The following HDGFL2 variants were observed in gnomAD, a reference collection of about 807,000 sequenced individuals.
HDGFL2 encodes the protein hepatoma-derived growth factor-related protein 2.
A neutral mutation model predicts 77.1 loss-of-function variants in HDGFL2; 36 were observed. The ratio of observed to expected loss-of-function variants is 0.47; its 90% CI spans 0.36 to 0.62. The LOEUF (loss-of-function observed/expected upper bound fraction) is 0.62. Ranked by LOEUF, HDGFL2 falls within the 20% of genes least tolerant of loss-of-function variation. The pLI is 0.00. For synonymous variants in HDGFL2, 463 were observed against 413.1 expected (o/e 1.12, Z -1.46); for missense variants, 976 against 973.4 (o/e 1.00, Z -0.04).
intron 3 of HDGFL2, among the ~76,000 whole-genome samples, chr19:4,480,076 A>G (rs1975175888): frequency 6.6e-6 from 1 of 152,072 alleles, no homozygotes; most frequent in Non-Finnish European, 1.5e-5. Context: ...TGGGCATTGC[A>G]GGGTGTTGAG....
intron 10 of HDGFL2, chr19:4,497,106 C>G (rs1470932810): frequency 4.6e-6 from 2 of 436,780 alleles, no homozygotes; most frequent in African/African-American, 2.0e-5. Flanking sequence ...ATCTCCTGAC[C>G]CCGTGATCTG....
In HDGFL2 at chr19:4,475,438, T is replaced by G. The variant is rs765159448; in HGVS notation, c.150-7T>G. The G allele has an allele frequency of 1.2e-6, 2 of 1,613,406 alleles. No individual in the cohort carries two copies. The highest frequency in any genetic ancestry group is 2.2e-5 in the East Asian group (1 of 44,858). ...ACCTGGGACTGGCCCCCGTTTCCCT[T>G]CTCCAGAGCCTTCCTGGGACCCAAG... On this transcript the variant is annotated splice_region_variant and splice_polypyrimidine_tract_variant and intron_variant, in intron 2 of 15. Coordinates refer to ENST00000616600, the MANE Select transcript of HDGFL2 (RefSeq NM_001001520.3).
intron 3 of HDGFL2, among the ~76,000 whole-genome samples, chr19:4,479,821 T>C (rs1470162298): frequency 7.6e-6 from 1 of 131,770 alleles, no homozygotes. Context: ...CCGGGGAATC[T>C]CTTGAACCCG....
At chr19:4,483,521 C>T (rs1975276941) in intron 3 of HDGFL2, among the ~76,000 whole-genome samples, 1 of 152,198 alleles carries the variant, frequency 6.6e-6, no homozygotes, top group Non-Finnish European at 1.5e-5. Flanking sequence ...AGACGCTGGC[C>T]TCGCCTGCAG....
At position 4,502,057 on chromosome 19, in the gene HDGFL2, T is replaced by G. The variant is rs779006903; in HGVS notation, c.*47T>G. 1.5e-6 allele frequency: 2 copies of G among 1,336,292 alleles called. No homozygotes were observed. The highest frequency in any genetic ancestry group is 2.5e-5 in the South Asian group (2 of 79,924). 82.8% of individuals were successfully genotyped at this position (1,336,292 alleles called of 1,614,324 possible). A position where few individuals can be genotyped will look rare whatever the true frequency, so the allele number is the denominator to read the frequency against. ...CCCCCGCCCGAGCTCAGGCTGCCCC[T>G]CTCCTTCCCCGGCTCGCAGGAGAGC... is the stretch of plus-strand genomic sequence containing the variant. On this transcript the variant is annotated 3_prime_UTR_variant, in exon 16 of 16. Transcript: ENST00000616600.
At chr19:4,499,401 G>A (rs1385094945) in intron 13 of HDGFL2, 90 bp from the exon 14 acceptor site, 9 of 1,165,972 alleles carry the variant, frequency 7.7e-6, no homozygotes, top group East Asian at 4.9e-5. Context: ...GAGGGGCTGC[G>A]GGAGGGGCGC....
At chr19:4,501,108 C>A in intron 14 of HDGFL2, 83 bp from the exon 15 acceptor site, 2 of 1,573,348 alleles carry the variant, frequency 1.3e-6, no homozygotes, top group Non-Finnish European at 1.7e-6. Flanking sequence ...AGCTTGGCCC[C>A]TGGTCCAGTC....
rs772518364 is a variant in HDGFL2 at position 4,496,352 on chromosome 19, G to A, written c.1275G>A (p.Arg425=). 1 of 1,614,108 alleles carries A rather than the reference G, an allele frequency of 6.2e-7. No individual in the cohort carries two copies. Among genetic ancestry groups the A allele is most frequent in the Non-Finnish European group, 8.5e-7 (1 of 1,179,984 alleles). The change falls in exon 10 of 16, where the codon AGG becomes AGA. Residue 425 remains arginine, a synonymous_variant. Transcript: ENST00000616600. ...AGTCCTCAAGCACAGAGCCCGCCAGGAAACCTGGCCAGAAGGAGAAGAGAG... is the reference window on the plus strand; with the variant it reads ...AGTCCTCAAGCACAGAGCCCGCCAGAAAACCTGGCCAGAAGGAGAAGAGAG... The part of the protein sequence containing the change: ...KPQSSSTEPA[R]KPGQKEKRVR...
chr19:4,499,838 G>A (rs35632432), intron 14 of HDGFL2, 134 bp downstream of exon 14: 239,320 of 749,650 alleles, frequency 0.32, 40,663 homozygotes, highest in East Asian at 0.58. Flanking sequence ...TGTCCTGTTG[G>A]GGTCTCCGTG....
chr19:4,474,273 T>A (rs1257494247), intron 1 of HDGFL2, among the ~76,000 whole-genome samples: 1 of 152,042 alleles, frequency 6.6e-6, no homozygotes, highest in Non-Finnish European at 1.5e-5. Flanking sequence ...GGTCCGAAGC[T>A]GGCAATGCCG....
chr19:4,491,099 C>T (rs900483358), intron 4 of HDGFL2, among the ~76,000 whole-genome samples: 5 of 152,044 alleles, frequency 3.3e-5, no homozygotes, highest in Admixed American at 3.3e-4. Flanking sequence ...TGTGAGCCAC[C>T]GTGCCTGGCC....
rs1171516943 is a variant in HDGFL2, at chr19:4,475,328, C to A, written c.126C>A (p.Ile42=). The A allele has an allele frequency of 1.2e-5, 20 of 1,614,008 alleles. No individual in the cohort carries two copies. The highest frequency in any genetic ancestry group is 1.6e-5 in the Non-Finnish European group (19 of 1,180,024). ...AGCCCCCACCCAACAAGTACCCCAT[C>A]TTTTTCTTTGGCACACACGAAACGT... ...AVKPPPNKYP[I]FFFGTHETAF... is the part of the protein sequence containing the mutation. The change falls in exon 2 of 16, where the codon ATC becomes ATA. Residue 42 remains isoleucine, a synonymous_variant. Coordinates refer to ENST00000616600, the MANE Select transcript of HDGFL2 (RefSeq NM_001001520.3).
chr19:4,494,139 G>A (rs1195834874), intron 8 of HDGFL2, 27 bp from the exon 9 acceptor site: 6 of 1,493,350 alleles, frequency 4.0e-6, no homozygotes, highest in Non-Finnish European at 3.6e-6. Context: ...AGGAACGGAG[G>A]TCCCCAACCG....
At chr19:4,485,217 A>C (rs1372516341) in intron 3 of HDGFL2, among the ~76,000 whole-genome samples, 1 of 152,074 alleles carries the variant, frequency 6.6e-6, no homozygotes, top group African/African-American at 2.4e-5. Context: ...ATCTCTCTGG[A>C]TGGGCCTGTC....
intron 9 of HDGFL2, 86 bp from the exon 10 acceptor site, chr19:4,496,216 C>T (rs1975697129): frequency 5.5e-6 from 6 of 1,093,088 alleles, no homozygotes; most frequent in Non-Finnish European, 8.4e-6. Context: ...AAGGGTCGAG[C>T]TGCATCTCCT....
At chr19:4,484,757 C>T (rs576006119) in intron 3 of HDGFL2, among the ~76,000 whole-genome samples, 5 of 145,726 alleles carry the variant, frequency 3.4e-5, no homozygotes, top group Non-Finnish European at 6.0e-5. Flanking sequence ...CTGCAAACTC[C>T]GCCTCCTGGG....
intron 3 of HDGFL2, among the ~76,000 whole-genome samples, chr19:4,482,806 G>A (rs1449852696): frequency 6.6e-6 from 1 of 152,178 alleles, no homozygotes; most frequent in African/African-American, 2.4e-5. Flanking sequence ...ATGCCCACCG[G>A]TTACATGGGG....
chr19:4,481,887 A>G (rs901283388), intron 3 of HDGFL2, among the ~76,000 whole-genome samples: 3 of 152,016 alleles, frequency 2.0e-5, no homozygotes, highest in African/African-American at 7.2e-5. Context: ...GATATTTGGG[A>G]ACAGAGAGGC....
intron 14 of HDGFL2, among the ~76,000 whole-genome samples, chr19:4,500,682 C>A (rs1975844774): frequency 6.6e-6 from 1 of 152,004 alleles, no homozygotes; most frequent in African/African-American, 2.4e-5. Flanking sequence ...AGGATGGTGT[C>A]AATCTCTGGA....
Sources: allele counts gnomAD v4.1 joint callset (sites outside exome capture counted in the v4.1 genomes callset), GRCh38; gene constraint gnomAD v4.1.1; transcripts MANE v1.5; gene names NCBI Gene and HGNC (gene_info 2026-07-23, HGNC 2026-07-21).